The following MGAT4C variants were observed in gnomAD, a reference collection of about 807,000 sequenced individuals.
MGAT4C encodes alpha-1,3-mannosyl-glycoprotein 4-beta-N-acetylglucosaminyltransferase C.
MGAT4C carries 19 observed loss-of-function variants against 40.1 expected under a neutral mutation model. That is an observed-to-expected ratio of 0.47 (90% CI 0.33 to 0.70). The LOEUF (loss-of-function observed/expected upper bound fraction) is 0.70. Among genes scored for constraint, MGAT4C ranks in the 30% least tolerant of loss-of-function variants. The probability of loss-of-function intolerance (pLI) is 0.02; values close to 1 mark genes in which losing one functional copy is unlikely to be tolerated. For synonymous variants in MGAT4C, 181 were observed against 187.1 expected, an observed-to-expected ratio of 0.97 and a Z score of 0.27; for missense variants, 491 against 563.2, an observed-to-expected ratio of 0.87 and a Z score of 1.30.
At chr12:86,313,777 GAC>G (rs1284863329) in intron 4 of MGAT4C, among the ~76,000 whole-genome samples, 1 of 152,110 alleles carries the variant, frequency 6.6e-6, no homozygotes, top group Non-Finnish European at 1.5e-5. Flanking sequence ...TTTGGCTGGT[GAC>G]AAATATTAGT....
rs1565716168 is a variant in MGAT4C at position 86,376,840 on chromosome 12, G to GAC, written c.-119-42714_-119-42713insGT. Among the ~76,000 whole-genome samples, 75 of 71,468 alleles carry GAC rather than the reference G, an allele frequency of 1.0e-3. No homozygotes were observed. The South Asian group carries it at 0.044, about 42-fold the overall frequency. The allele number at this position is 71,468 out of a possible 152,430, so 46.9% of individuals were successfully genotyped here. ...AGACAGAGAGAGAGAGAGAGAGAGA[G>GAC]AGACAGAGAGAGAGAGAGAGAGAGA... On this transcript the variant is annotated intron_variant, in intron 3 of 7. Coordinates refer to the MGAT4C transcript ENST00000548651.
intron 4 of MGAT4C, among the ~76,000 whole-genome samples, chr12:86,333,886 T>C (rs1033969824): frequency 2.6e-5 from 4 of 152,198 alleles, no homozygotes; most frequent in East Asian, 1.9e-4. Flanking sequence ...TCTATTATTC[T>C]TTTAAACTAA....
At position 86,140,597 on chromosome 12, in the gene MGAT4C, T is replaced by C. The variant is rs1194885041; in HGVS notation, c.-56-90874A>G. Among the ~76,000 whole-genome samples the C allele has an allele frequency of 5.3e-5, 8 of 152,098 alleles. No individual in the cohort carries two copies. The East Asian group carries it at 1.2e-3, about 22-fold the overall frequency. On this transcript the variant is annotated intron_variant, in intron 1 of 4. Coordinates refer to ENST00000611864, the MANE Select transcript of MGAT4C (RefSeq NM_001351288.2). ...GGGTGCAGCAAACCACCATGGTACA[T>C]GTATACCTATGTAACCTGCATTTTC...
At chr12:86,563,463 A>G (rs1959959650) in intron 2 of MGAT4C, among the ~76,000 whole-genome samples, 1 of 152,362 alleles carries the variant, frequency 6.6e-6, no homozygotes, top group Non-Finnish European at 1.5e-5. Context: ...TGAGTGGACC[A>G]AAGACTAATT....
chr12:86,360,939 C>A (rs2136201458), intron 3 of MGAT4C, among the ~76,000 whole-genome samples: 1 of 152,242 alleles, frequency 6.6e-6, no homozygotes, highest in South Asian at 2.1e-4. Context: ...TCAATGCCAT[C>A]CCCATCAAGC....
At chr12:86,066,967 T>A (rs1245520235) in intron 1 of MGAT4C, among the ~76,000 whole-genome samples, 3 of 152,182 alleles carry the variant, frequency 2.0e-5, no homozygotes, top group African/African-American at 7.2e-5. Context: ...AAGCTCATCA[T>A]CACTGGTCAT....
intron 2 of MGAT4C, among the ~76,000 whole-genome samples, chr12:86,590,326 AGT>A (rs1206491408): frequency 6.6e-6 from 1 of 151,424 alleles, no homozygotes; most frequent in African/African-American, 2.4e-5. Flanking sequence ...TTCATACCTA[AGT>A]GTGTCTCTTT....
chr12:86,242,353 G>T (rs1464488003), intron 1 of MGAT4C, among the ~76,000 whole-genome samples: 2 of 152,154 alleles, frequency 1.3e-5, no homozygotes, highest in Non-Finnish European at 2.9e-5. Context: ...GGTAAACATA[G>T]ATACTGCCTC....
chr12:86,200,447 G>T (rs1268053521), intron 1 of MGAT4C, among the ~76,000 whole-genome samples: 1 of 151,942 alleles, frequency 6.6e-6, no homozygotes. Context: ...TTCCAAAATG[G>T]TTGAAAATCT....
intron 1 of MGAT4C, among the ~76,000 whole-genome samples, chr12:86,246,658 G>A (rs1307892638): frequency 6.6e-6 from 1 of 152,088 alleles, no homozygotes; most frequent in Non-Finnish European, 1.5e-5. Context: ...AATTTACAAA[G>A]GTAAATGTTA....
chr12:86,250,811 T>G (rs1217140050), intron 1 of MGAT4C, among the ~76,000 whole-genome samples: 1 of 152,092 alleles, frequency 6.6e-6, no homozygotes, highest in East Asian at 1.9e-4. Context: ...AGTAAATGAT[T>G]AACCCGTGTT....
intron 2 of MGAT4C, among the ~76,000 whole-genome samples, chr12:86,510,681 G>C (rs1958561964): frequency 6.6e-6 from 1 of 151,916 alleles, no homozygotes; most frequent in Non-Finnish European, 1.5e-5. Flanking sequence ...AAAAGGCAGG[G>C]GTTGCAATCC....
chr12:86,536,202 C>A (rs1484418581), intron 2 of MGAT4C, among the ~76,000 whole-genome samples: 2 of 151,966 alleles, frequency 1.3e-5, no homozygotes, highest in Non-Finnish European at 2.9e-5. Flanking sequence ...ACTAAAGAGA[C>A]TTTGTTAGAC....
intron 4 of MGAT4C, among the ~76,000 whole-genome samples, chr12:86,268,238 T>TTAAA (rs1952838890): frequency 6.6e-6 from 1 of 152,058 alleles, no homozygotes; most frequent in Non-Finnish European, 1.5e-5. Flanking sequence ...AAAAATGAAA[T>TTAAA]TTTTAGTCAA....
intron 1 of MGAT4C, among the ~76,000 whole-genome samples, chr12:86,085,522 G>C (rs899864757): frequency 6.6e-6 from 1 of 152,054 alleles, no homozygotes; most frequent in Non-Finnish European, 1.5e-5. Flanking sequence ...TAGATGTGTT[G>C]TGTTATTTCT....
chr12:86,332,729 C>T (rs1954699880), intron 4 of MGAT4C, among the ~76,000 whole-genome samples: 1 of 151,928 alleles, frequency 6.6e-6, no homozygotes, highest in Non-Finnish European at 1.5e-5. Context: ...AGTAAATATC[C>T]TTTTGTTTAA....
At chr12:86,781,506 C>T (rs1036042964) in intron 1 of MGAT4C, among the ~76,000 whole-genome samples, 1 of 152,014 alleles carries the variant, frequency 6.6e-6, no homozygotes, top group Non-Finnish European at 1.5e-5. Context: ...AGTTAAGATT[C>T]AGGTGAATTG....
intron 1 of MGAT4C, among the ~76,000 whole-genome samples, chr12:86,148,586 A>G (rs527910314): frequency 6.6e-6 from 1 of 152,332 alleles, no homozygotes; most frequent in South Asian, 2.1e-4. Context: ...CATCCTACCA[A>G]TATCTTTGCA....
At chr12:86,098,484 T>G (rs1459642208) in intron 1 of MGAT4C, among the ~76,000 whole-genome samples, 1 of 151,758 alleles carries the variant, frequency 6.6e-6, no homozygotes, top group South Asian at 2.1e-4. Flanking sequence ...TATATTGGCT[T>G]CTTTTTGTGC....
Sources: gnomAD v4.1 joint callset for allele counts (sites outside exome capture counted in the v4.1 genomes callset) on GRCh38, gnomAD v4.1.1 for gene constraint, MANE v1.5 for transcripts, NCBI Gene and HGNC (gene_info 2026-07-23, HGNC 2026-07-21) for gene names.